PTBP3: variants seen among roughly 807,000 people sequenced by gnomAD.
PTBP3 encodes polypyrimidine tract binding protein 3.
A neutral mutation model predicts 58.7 loss-of-function variants in PTBP3; 20 were observed. That is an observed-to-expected ratio of 0.34 (90% CI 0.24 to 0.50). The LOEUF is 0.50. Ranked by LOEUF, PTBP3 falls within the 20% of genes least tolerant of loss-of-function variation. The probability of loss-of-function intolerance (pLI) is 0.98; values close to 1 mark genes in which losing one functional copy is unlikely to be tolerated. For missense variants in PTBP3, 509 were observed against 637.2 expected (o/e 0.80, Z 2.17); for synonymous variants, 185 against 219.8 (o/e 0.84, Z 1.40).
At chr9:112,370,544 T>TA in the PTBP3 span, among the ~76,000 whole-genome samples, 35 of 150,296 alleles carry the variant, frequency 2.3e-4, no homozygotes, top group South Asian at 3.4e-3. Context: ...CCGTTTCAAT[T>TA]AAAAAAAAAA....
chr9:112,333,137 G>C (rs1207192913), intron 1 of PTBP3: 1 of 1,248,302 alleles, frequency 8.0e-7, no homozygotes, highest in Non-Finnish European at 1.0e-6. Flanking sequence ...AGGCCGAGCT[G>C]GGCTCCCCGG....
chr9:112,230,175 T>C lies in PTBP3; in HGVS notation c.1054+1205A>G, dbSNP rs1266407684. On this transcript the variant is annotated intron_variant, in intron 10 of 13. Transcript: ENST00000374257. ...TGAAAAAATTCCATTAAAAAAAACC[T>C]ATCAGCCTGGTGTTGTGGCTTGCAC... Among the ~76,000 whole-genome samples, 8 of 152,164 alleles carry C rather than the reference T, an allele frequency of 5.3e-5. No homozygotes were observed. The South Asian group carries it at 1.5e-3, about 28-fold the overall frequency.
chr9:112,331,205 A>G (rs1830360999), intron 1 of PTBP3, among the ~76,000 whole-genome samples: 1 of 152,132 alleles, frequency 6.6e-6, no homozygotes, highest in African/African-American at 2.4e-5. Context: ...AACTACCCAA[A>G]TAAGGAAAAA....
intron 1 of PTBP3, among the ~76,000 whole-genome samples, chr9:112,329,284 G>C (rs1304906133): frequency 6.6e-6 from 1 of 152,062 alleles, no homozygotes. Flanking sequence ...ATGGTGGCAT[G>C]TGCCTGTAAT....
rs1827155771 is a variant in PTBP3, at chr9:112,267,703, A to G, written c.351+346T>C. ...ATTAAGGTGTTAAATTCCATTACTT[A>G]ATTCACTCAATTTCTCAATGCTTTT... On this transcript the variant is annotated intron_variant, in intron 4 of 13. Coordinates refer to ENST00000374257, the MANE Select transcript of PTBP3 (RefSeq NM_001163788.4). 6.7e-5 allele frequency among the ~76,000 whole-genome samples: 10 copies of G among 149,736 alleles called. No individual in the cohort carries two copies. In the Admixed American group the frequency reaches 6.7e-4, roughly 10 times the overall value.
Position 112,262,605 on chromosome 9 carries a change from G to A in PTBP3, c.352-6C>T. 1 of 1,549,756 alleles carries A rather than the reference G, an allele frequency of 6.5e-7. No homozygotes were observed. Among genetic ancestry groups the A allele is most frequent in the Non-Finnish European group, 8.7e-7 (1 of 1,151,290 alleles). Reference sequence around the variant, plus strand: ...TGCAGTGCAGCTTGGGCTCGCTATAGAACAACCCAAAATGAGAACTTTTGA... The same window carrying A: ...TGCAGTGCAGCTTGGGCTCGCTATAAAACAACCCAAAATGAGAACTTTTGA... On this transcript the variant is annotated splice_polypyrimidine_tract_variant and splice_region_variant and intron_variant, in intron 4 of 13. Coordinates refer to ENST00000374257, the MANE Select transcript of PTBP3 (RefSeq NM_001163788.4).
chr9:112,311,256 TCAAA>T (rs1012873993), intron 1 of PTBP3, among the ~76,000 whole-genome samples: 1 of 152,082 alleles, frequency 6.6e-6, no homozygotes, highest in Non-Finnish European at 1.5e-5. Context: ...ATCTGTAGAT[TCAAA>T]CAATCACAGA....
At chr9:112,244,077 G>C (rs1057098230) in intron 7 of PTBP3, among the ~76,000 whole-genome samples, 6 of 151,628 alleles carry the variant, frequency 4.0e-5, no homozygotes, top group African/African-American at 1.5e-4. Flanking sequence ...CGAGACAGGT[G>C]GATCACGAGG....
Position 112,302,076 on chromosome 9 carries a change from A to G in PTBP3, c.-51-4160T>C, listed in dbSNP as rs1043550330. ...GTGCTTCTGTACAACAGTGGTCCAG[A>G]AGGCATCCCTTCAAAGATAAGCAGA... On this transcript the variant is annotated intron_variant, in intron 1 of 13. Coordinates refer to ENST00000374257, the MANE Select transcript of PTBP3 (RefSeq NM_001163788.4). 9.8e-5 allele frequency among the ~76,000 whole-genome samples: 15 copies of G among 152,302 alleles called. No homozygotes were observed. In the East Asian group the frequency reaches 2.3e-3, roughly 23 times the overall value.
chr9:112,249,976 A>T (rs1183563703), intron 7 of PTBP3, among the ~76,000 whole-genome samples: 2 of 152,140 alleles, frequency 1.3e-5, no homozygotes, highest in African/African-American at 2.4e-5. Flanking sequence ...CAGACATTTT[A>T]TCAATATTAG....
At chr9:112,237,970 G>T (rs1336450754) in intron 7 of PTBP3, among the ~76,000 whole-genome samples, 2 of 152,164 alleles carry the variant, frequency 1.3e-5, no homozygotes, top group African/African-American at 4.8e-5. Context: ...AATTTAGGTT[G>T]AAATGATCCT....
intron 7 of PTBP3, among the ~76,000 whole-genome samples, chr9:112,243,559 C>T (rs1156250018): frequency 6.6e-6 from 1 of 151,858 alleles, no homozygotes; most frequent in East Asian, 1.9e-4. Context: ...AAAAAAAGCC[C>T]CAGGGATTAG....
upstream of PTBP3, chr9:112,333,649 CCGCCACCGCCG>C: frequency 1.7e-6 from 1 of 603,976 alleles, no homozygotes; most frequent in Admixed American, 3.9e-5. Flanking sequence ...GGGCACGCTC[CCGCCACCGCCG>C]CGCCCCCGCC....
At chr9:112,313,075 A>C (rs1039751283) in intron 1 of PTBP3, among the ~76,000 whole-genome samples, 2 of 152,144 alleles carry the variant, frequency 1.3e-5, no homozygotes, top group Non-Finnish European at 2.9e-5. Context: ...AAATCAAAGT[A>C]CATATGTGGT....
chr9:112,335,847 G>A (rs1005664219), upstream of PTBP3, among the ~76,000 whole-genome samples: 4 of 146,540 alleles, frequency 2.7e-5, no homozygotes, highest in Admixed American at 1.3e-4. Flanking sequence ...ATCTCAACCC[G>A]GTAAGCAGAG....
rs1194796115 is a variant in PTBP3, at chr9:112,257,276, C to A, written c.517-4488G>T. On this transcript the variant is annotated intron_variant, in intron 5 of 13. Transcript: ENST00000374257. The stretch of plus-strand genomic sequence containing the variant: ...GATACTTCTGAATAAAGTAACTGGG[C>A]ACCAACATCAGGGAATCTAGGAATG... Among the ~76,000 whole-genome samples the A allele has an allele frequency of 3.3e-5, 5 of 152,140 alleles. No homozygotes were observed. In the East Asian group the frequency reaches 9.6e-4, roughly 29 times the overall value.
At chr9:112,267,575 CA>C (rs1827149884) in intron 4 of PTBP3, among the ~76,000 whole-genome samples, 1 of 152,156 alleles carries the variant, frequency 6.6e-6, no homozygotes, top group African/African-American at 2.4e-5. Flanking sequence ...ACGTGTGCTA[CA>C]TCAAAATAAC....
At chr9:112,335,325 T>TC (rs1052791908), upstream of PTBP3, among the ~76,000 whole-genome samples, 3 of 151,922 alleles carry the variant, frequency 2.0e-5, no homozygotes, top group Non-Finnish European at 4.4e-5. Context: ...TTGCTCTGTC[T>TC]CCCAGGCTGG....
At chr9:112,261,689 T>C (rs1173737228) in intron 5 of PTBP3, among the ~76,000 whole-genome samples, 1 of 152,228 alleles carries the variant, frequency 6.6e-6, no homozygotes, top group African/African-American at 2.4e-5. Context: ...ATACACAGAT[T>C]ACCAGATAAC....
Sources: gnomAD v4.1 joint callset for allele counts (sites outside exome capture counted in the v4.1 genomes callset) on GRCh38, gnomAD v4.1.1 for gene constraint, MANE v1.5 for transcripts, NCBI Gene and HGNC (gene_info 2026-07-23, HGNC 2026-07-21) for gene names.